Variants in LARP1B observed in about 807,000 individuals in gnomAD.
The protein encoded by LARP1B is la-related protein 1B.
Under a neutral mutation model 114.2 loss-of-function variants are expected in LARP1B, and 76 were observed. The ratio of observed to expected loss-of-function variants is 0.67; its 90% CI spans 0.55 to 0.81. The LOEUF is 0.81. Ranked by LOEUF, LARP1B falls within the 30% of genes least tolerant of loss-of-function variation. The pLI is 0.00. For missense variants in LARP1B, 1,014 were observed against 1,075.8 expected, an observed-to-expected ratio of 0.94 and a Z score of 0.80; for synonymous variants, 345 against 348.0, an observed-to-expected ratio of 0.99 and a Z score of 0.10.
chr4:128,170,872 C>CTTTTTTTTTTTTTTTTTTCTTTTTTTTTT (rs70966085), intron 12 of LARP1B, among the ~76,000 whole-genome samples: 1 of 95,014 alleles, frequency 1.1e-5, no homozygotes, highest in African/African-American at 4.0e-5. Flanking sequence ...TTTTTCTTTT[C>CTTTTTTTTTTTTTTTTTTCTTTTTTTTTT]TTTTTTTTTT....
At chr4:128,114,869 G>A (rs1339655116) in intron 10 of LARP1B, 127 bp downstream of exon 10, 6 of 729,392 alleles carry the variant, frequency 8.2e-6, no homozygotes, top group Non-Finnish European at 2.3e-6. Context: ...CTTTGTAATT[G>A]TTGGCCTTCA....
chr4:128,140,611 T>C lies in LARP1B; in HGVS notation c.1524+18423T>C, dbSNP rs1727569573. Among the ~76,000 whole-genome samples the C allele has an allele frequency of 2.0e-5, 3 of 152,284 alleles. No individual in the cohort carries two copies. The South Asian group carries it at 6.2e-4, about 32-fold the overall frequency. On this transcript the variant is annotated intron_variant, in intron 11 of 19. Coordinates refer to ENST00000326639, the MANE Select transcript of LARP1B (RefSeq NM_018078.4). The stretch of plus-strand genomic sequence containing the variant: ...GAAGTTTCTAAAATACTAACAGTTG[T>C]GTTTCTGGTAGTTGTTACATGAATG...
At chr4:128,063,615 A>C (rs974734542) in intron 1 of LARP1B, among the ~76,000 whole-genome samples, 1 of 150,906 alleles carries the variant, frequency 6.6e-6, no homozygotes. Context: ...CCTTGTCTGT[A>C]CTATAAATAC....
intron 1 of LARP1B, among the ~76,000 whole-genome samples, chr4:128,073,418 CAAAAAAAAA>C (rs776553862): frequency 7.0e-5 from 3 of 42,910 alleles, no homozygotes; most frequent in Admixed American, 4.8e-4. Context: ...GATTCCGTCT[CAAAAAAAAA>C]AAAAAAAAAA....
intron 8 of LARP1B, among the ~76,000 whole-genome samples, chr4:128,106,628 C>T (rs1017651322): frequency 2.0e-5 from 3 of 151,556 alleles, no homozygotes; most frequent in African/African-American, 7.3e-5. Context: ...GGTGTTGTCT[C>T]ATACTAGATC....
intron 10 of LARP1B, among the ~76,000 whole-genome samples, chr4:128,118,059 G>A (rs375767858): frequency 1.5e-3 from 224 of 146,644 alleles, no homozygotes; most frequent in Non-Finnish European, 2.5e-3. Context: ...GGGACTACAG[G>A]CACAAACCAA....
intron 11 of LARP1B, among the ~76,000 whole-genome samples, chr4:128,124,029 T>C (rs1444593788): frequency 2.6e-5 from 4 of 152,222 alleles, no homozygotes; most frequent in Non-Finnish European, 5.9e-5. Context: ...GTCTTCTACA[T>C]GTAGTATCTC....
intron 8 of LARP1B, among the ~76,000 whole-genome samples, chr4:128,100,231 G>A (rs1243417002): frequency 5.3e-5 from 8 of 152,128 alleles, no homozygotes; most frequent in African/African-American, 4.8e-5. Context: ...CCAAAGTGCC[G>A]GGATTACAGG....
At chr4:128,141,493 C>A (rs1269939667) in intron 11 of LARP1B, among the ~76,000 whole-genome samples, 9 of 152,182 alleles carry the variant, frequency 5.9e-5, no homozygotes, top group Admixed American at 2.0e-4. Context: ...GAAGAACCTT[C>A]AAATTTGAAA....
At chr4:128,122,360 GTTTTA>G in intron 11 of LARP1B, 172 bp downstream of exon 11, 3 of 1,457,198 alleles carry the variant, frequency 2.1e-6, no homozygotes, top group Non-Finnish European at 2.7e-6. Context: ...CTGAGGAATC[GTTTTA>G]TTTTATGAAA....
chr4:128,222,566 C>G (rs999065685), exon 8 of LARP1B: 2 of 241,610 alleles, frequency 8.3e-6, no homozygotes, highest in Non-Finnish European at 1.7e-5. Context: ...TTTTAGATAA[C>G]AACTTCAACA....
rs772282804 is a variant in LARP1B at position 128,176,898 on chromosome 4, C to A, written c.1675C>A (p.Pro559Thr). The change falls in exon 13 of 20, where the codon CCC (proline) becomes ACC (threonine). Residue 559 changes from proline to threonine, a missense_variant. By Grantham distance (38) the Pro-to-Thr change is conservative (BLOSUM62 -1). Coordinates refer to ENST00000326639, the MANE Select transcript of LARP1B (RefSeq NM_018078.4). Reference sequence around the variant, plus strand: ...AGGTGTTCAAGGAGTGCTTCACATTCCCAAGAAAGGTAACATCTGTGGTGG... The same window carrying A: ...AGGTGTTCAAGGAGTGCTTCACATTACCAAGAAAGGTAACATCTGTGGTGG... ...QGGVQGVLHI[P>T]KKDLTDELAQ... 77 of 1,613,692 alleles carry A rather than the reference C, an allele frequency of 4.8e-5. No individual in the cohort carries two copies. The highest frequency in any genetic ancestry group is 6.5e-5 in the Non-Finnish European group (77 of 1,179,816).
At chr4:128,157,815 T>C (rs568445250) in intron 11 of LARP1B, among the ~76,000 whole-genome samples, 1 of 152,212 alleles carries the variant, frequency 6.6e-6, no homozygotes, top group East Asian at 1.9e-4. Context: ...AATAGAGATA[T>C]TATCAGAGAA....
At chr4:128,219,038 G>T (rs1484822021) in intron 6 of LARP1B, among the ~76,000 whole-genome samples, 1 of 137,700 alleles carries the variant, frequency 7.3e-6, no homozygotes, top group Non-Finnish European at 1.6e-5. Flanking sequence ...AAAAACACAT[G>T]AAAAAATGCT....
chr4:128,168,888 A>G (rs1267630486), intron 12 of LARP1B, among the ~76,000 whole-genome samples: 1 of 152,016 alleles, frequency 6.6e-6, no homozygotes, highest in Non-Finnish European at 1.5e-5. Flanking sequence ...TTTGTCCACA[A>G]TTGTTTATTT....
chr4:128,202,059 T>C (rs1756127021), intron 17 of LARP1B, among the ~76,000 whole-genome samples: 1 of 152,254 alleles, frequency 6.6e-6, no homozygotes, highest in South Asian at 2.1e-4. Flanking sequence ...GTTTAATTTT[T>C]ATCTGTTATC....
intron 18 of LARP1B, chr4:128,206,759 G>A: frequency 1.0e-6 from 1 of 985,244 alleles, no homozygotes. Context: ...CTTTTATGGA[G>A]GTATATTTTG....
At chr4:128,207,896 C>T (rs1002182162) in intron 19 of LARP1B, among the ~76,000 whole-genome samples, 2 of 152,152 alleles carry the variant, frequency 1.3e-5, no homozygotes, top group Non-Finnish European at 2.9e-5. Flanking sequence ...CACTCTCATG[C>T]GTTCTTCTCA....
chr4:128,130,134 C>CTTGAGACCACGAGT (rs980141056), intron 11 of LARP1B, among the ~76,000 whole-genome samples: 4 of 152,090 alleles, frequency 2.6e-5, no homozygotes, highest in African/African-American at 9.7e-5. Context: ...GGGAGGATTG[C>CTTGAGACCACGAGT]TTGAGACCAC....
Sources: gnomAD v4.1 joint callset for allele counts (sites outside exome capture counted in the v4.1 genomes callset) on GRCh38, gnomAD v4.1.1 for gene constraint, MANE v1.5 for transcripts, NCBI Gene and HGNC (gene_info 2026-07-23, HGNC 2026-07-21) for gene names.